The following TMPRSS9 variants were observed in gnomAD, a reference collection of about 807,000 sequenced individuals.
TMPRSS9 encodes transmembrane protease serine 9.
A neutral mutation model predicts 111.4 loss-of-function variants in TMPRSS9; 113 were observed. The observed-to-expected ratio is 1.01, with a 90% confidence interval of 0.87 to 1.19. The LOEUF is 1.19. Among genes scored for constraint, TMPRSS9 ranks in the 50% most tolerant of loss-of-function variants. The probability of loss-of-function intolerance (pLI) is 0.00; values close to 1 mark genes in which losing one functional copy is unlikely to be tolerated. For missense variants in TMPRSS9, 1,803 were observed against 1,513.1 expected (o/e 1.19, Z -3.18); for synonymous variants, 805 against 659.1 (o/e 1.22, Z -3.39).
intron 11 of TMPRSS9, among the ~76,000 whole-genome samples, 193 bp downstream of exon 12, chr19:2,416,034 G>A (rs894401958): frequency 6.6e-6 from 1 of 152,182 alleles, no homozygotes; most frequent in East Asian, 1.9e-4. Context: ...AACCAGGGGA[G>A]GGGGAGGAGG....
At chr19:2,422,627 T>G (rs1971493127) in intron 14 of TMPRSS9, among the ~76,000 whole-genome samples, 1 of 148,346 alleles carries the variant, frequency 6.7e-6, no homozygotes, top group African/African-American at 2.5e-5. Context: ...GGCTCATGCC[T>G]GTAATCCCAG....
chr19:2,385,808 A>C (rs546828087), upstream of TMPRSS9, among the ~76,000 whole-genome samples: 2 of 152,148 alleles, frequency 1.3e-5, no homozygotes, highest in African/African-American at 4.8e-5. Flanking sequence ...CTATGATAGC[A>C]CCACTGCATT....
upstream of TMPRSS9, among the ~76,000 whole-genome samples, chr19:2,384,826 A>G (rs1599281560): frequency 6.6e-6 from 1 of 150,534 alleles, no homozygotes; most frequent in African/African-American, 2.4e-5. Context: ...AAAAAAAAAA[A>G]AAAAAATTAG....
At chr19:2,373,253 C>T (rs1223698438) in intron 1 of TMPRSS9, among the ~76,000 whole-genome samples, 1 of 152,112 alleles carries the variant, frequency 6.6e-6, no homozygotes, top group African/African-American at 2.4e-5. Flanking sequence ...ATTTTTGAGA[C>T]ACAGTCTCAC....
At chr19:2,413,924 C>A in exon 10 of TMPRSS9, 1 of 1,612,796 alleles carries the variant, frequency 6.2e-7, no homozygotes, top group Non-Finnish European at 8.5e-7. Flanking sequence ...CCTGGCCCAC[C>A]AGTCCTGAGA....
intron 1 of TMPRSS9, among the ~76,000 whole-genome samples, chr19:2,363,076 G>A (rs60102757): frequency 0.011 from 1,726 of 152,302 alleles, 31 homozygotes; most frequent in African/African-American, 0.038. Context: ...AGAGCCTCAC[G>A]CCGCCTGCTT....
rs555425537 is a variant in TMPRSS9, at chr19:2,398,705, C to T, written c.271-90C>T. ...CTTTCCCATGGAACCAACCCCTTCTCCAGCTCCCTCCAACACCTGACAGGC... is the reference window on the plus strand; with the variant it reads ...CTTTCCCATGGAACCAACCCCTTCTTCAGCTCCCTCCAACACCTGACAGGC... On this transcript the variant is annotated intron_variant, in intron 2 of 17. Transcript: ENST00000648592. 6.9e-6 allele frequency: 6 copies of T among 875,194 alleles called. No homozygotes were observed. In the South Asian group the frequency reaches 8.9e-5, roughly 13 times the overall value. 54.2% of individuals were successfully genotyped at this position (875,194 alleles called of 1,614,324 possible). A position where few individuals can be genotyped will look rare whatever the true frequency, so the allele number is the denominator to read the frequency against.
chr19:2,408,158 A>C (rs1052884500), intron 7 of TMPRSS9, among the ~76,000 whole-genome samples, 198 bp from the exon 9 acceptor site: 2 of 151,842 alleles, frequency 1.3e-5, no homozygotes, highest in East Asian at 3.9e-4. Flanking sequence ...GGCTCAGGTG[A>C]TCCTCCCGCT....
In TMPRSS9 at chr19:2,424,220, G is replaced by A. The variant is rs781070977; in HGVS notation, c.2680G>A (p.Glu894Lys). The A allele has an allele frequency of 3.5e-6, 5 of 1,436,096 alleles. No individual in the cohort carries two copies. The Admixed American group carries it at 1.0e-4, about 30-fold the overall frequency. 89.0% of individuals were successfully genotyped at this position (1,436,096 alleles called of 1,614,324 possible). A position where few individuals can be genotyped will look rare whatever the true frequency, so the allele number is the denominator to read the frequency against. ...CCGTTGCGGGGCCGTGCTGGTGGCA[G>A]AGAGGTGGCTGCTGTCGGCGGCGCA... is the stretch of plus-strand genomic sequence containing the variant. Residue 894 changes from glutamate to lysine, a missense_variant, in exon 15 of 18, where the codon GAG (glutamate) becomes AAG (lysine). Glu to Lys is a moderately conservative substitution (Grantham distance 56, BLOSUM62 1). Transcript: ENST00000648592.
At chr19:2,425,364 G>A in exon 17 of TMPRSS9, 1 of 1,516,376 alleles carries the variant, frequency 6.6e-7, no homozygotes, top group Non-Finnish European at 8.8e-7. Context: ...CAGGCTCCAT[G>A]GCGCGGCAGC....
At chr19:2,386,228 G>A (rs1243997282), upstream of TMPRSS9, among the ~76,000 whole-genome samples, 4 of 152,154 alleles carry the variant, frequency 2.6e-5, no homozygotes, top group South Asian at 2.1e-4. Context: ...GGGATTGGCC[G>A]GGCACGGTGG....
intron 1 of TMPRSS9, among the ~76,000 whole-genome samples, chr19:2,364,154 C>A (rs973441873): frequency 6.6e-6 from 1 of 151,984 alleles, no homozygotes; most frequent in African/African-American, 2.4e-5. Context: ...TGCACTCCAG[C>A]CTGGGTGACG....
At chr19:2,391,132 G>A (rs1046458541) in intron 1 of TMPRSS9, among the ~76,000 whole-genome samples, 2 of 150,710 alleles carry the variant, frequency 1.3e-5, no homozygotes, top group Non-Finnish European at 2.9e-5. Flanking sequence ...AGCTACTTGG[G>A]AGGCTGAGGC....
chr19:2,405,232 GT>G (rs1309509592), intron 6 of TMPRSS9, 141 bp from the exon 8 acceptor site: 1 of 1,037,686 alleles, frequency 9.6e-7, no homozygotes, highest in Non-Finnish European at 1.3e-6. Context: ...CCCCAGAAGA[GT>G]CAGGGAAGCC....
exon 5 of TMPRSS9, chr19:2,402,009 C>G (rs749459120): frequency 1.2e-6 from 2 of 1,610,140 alleles, no homozygotes; most frequent in Non-Finnish European, 1.7e-6. Context: ...AAAGAGACTT[C>G]AAATCAGGTA....
intron 1 of TMPRSS9, among the ~76,000 whole-genome samples, chr19:2,364,035 G>A (rs573884233): frequency 6.6e-6 from 1 of 152,042 alleles, no homozygotes; most frequent in Admixed American, 6.5e-5. Context: ...TCAGCCTCCC[G>A]GTAGTCCTGT....
At chr19:2,370,809 A>G (rs529208883) in intron 1 of TMPRSS9, among the ~76,000 whole-genome samples, 6 of 152,206 alleles carry the variant, frequency 3.9e-5, no homozygotes, top group Admixed American at 3.9e-4. Context: ...ACTTAAAAAA[A>G]AAATTAACCC....
intron 9 of TMPRSS9, among the ~76,000 whole-genome samples, chr19:2,411,289 G>C (rs1278235044): frequency 5.1e-5 from 3 of 58,816 alleles, no homozygotes; most frequent in African/African-American, 2.2e-4. Flanking sequence ...GACAAAGCAA[G>C]ACTCTGTCTC....
chr19:2,403,480 A>G (rs892575787), intron 6 of TMPRSS9, among the ~76,000 whole-genome samples: 16 of 152,088 alleles, frequency 1.1e-4, no homozygotes, highest in African/African-American at 3.9e-4. Context: ...GGAAGTGTTG[A>G]ATACCAGGAA....
Sources: allele counts gnomAD v4.1 joint callset (sites outside exome capture counted in the v4.1 genomes callset), GRCh38; gene constraint gnomAD v4.1.1; transcripts MANE v1.5; gene names NCBI Gene and HGNC (gene_info 2026-07-23, HGNC 2026-07-21).